The following DLG1 variants were observed in gnomAD, a reference collection of about 807,000 sequenced individuals.
The protein encoded by DLG1 is discs large MAGUK scaffold protein 1.
In DLG1, 42 loss-of-function variants were observed where a neutral mutation model predicts 123.4. That is an observed-to-expected ratio of 0.34 (90% CI 0.27 to 0.44). The LOEUF is 0.44. DLG1 is among the 20% of genes least tolerant of loss of function. The pLI, the probability that DLG1 is intolerant of heterozygous loss-of-function variation, is 1.00. For missense variants in DLG1, 942 were observed against 1,082.6 expected, an observed-to-expected ratio of 0.87 and a Z score of 1.82; for synonymous variants, 317 against 356.2, an observed-to-expected ratio of 0.89 and a Z score of 1.24.
chr3:197,100,463 T>C (rs1192944839), intron 14 of DLG1, among the ~76,000 whole-genome samples: 1 of 152,206 alleles, frequency 6.6e-6, no homozygotes, highest in East Asian at 1.9e-4. Context: ...ACCTAACCAA[T>C]GGGAAAGAGA....
chr3:197,253,929 A>G (rs1321520621), intron 4 of DLG1, among the ~76,000 whole-genome samples: 1 of 152,178 alleles, frequency 6.6e-6, no homozygotes, highest in Non-Finnish European at 1.5e-5. Flanking sequence ...TTAATTAAAA[A>G]AAAAAAGGAA....
intron 5 of DLG1, chr3:197,183,779 A>C: frequency 1.9e-6 from 3 of 1,550,340 alleles, no homozygotes; most frequent in Non-Finnish European, 2.6e-6. Flanking sequence ...GAGAGTATAG[A>C]AGTGTGTTGT....
chr3:197,147,364 C>T (rs987126884), intron 6 of DLG1, among the ~76,000 whole-genome samples: 5 of 151,714 alleles, frequency 3.3e-5, no homozygotes, highest in African/African-American at 1.2e-4. Flanking sequence ...GCGCAATTCA[C>T]AATTGCAAAA....
intron 14 of DLG1, among the ~76,000 whole-genome samples, chr3:197,094,412 C>G (rs1759471258): frequency 6.6e-6 from 1 of 152,146 alleles, no homozygotes; most frequent in Non-Finnish European, 1.5e-5. Context: ...TAATGGCAAA[C>G]TTTTGTTTGG....
intron 14 of DLG1, among the ~76,000 whole-genome samples, chr3:197,103,922 T>C (rs187211014): frequency 6.6e-6 from 1 of 152,126 alleles, no homozygotes; most frequent in Admixed American, 6.5e-5. Flanking sequence ...CCACTGAGGT[T>C]TTATTGGAGA....
chr3:197,220,939 G>A (rs1024956236), intron 4 of DLG1, among the ~76,000 whole-genome samples: 3 of 152,114 alleles, frequency 2.0e-5, no homozygotes, highest in African/African-American at 4.8e-5. Flanking sequence ...CTTAATTACT[G>A]TTAAAAATTA....
At chr3:197,111,631 C>T (rs28497109) in intron 13 of DLG1, among the ~76,000 whole-genome samples, 22,029 of 152,132 alleles carry the variant, frequency 0.14, 2,271 homozygotes, top group African/African-American at 0.29. Context: ...ATCATGAAAC[C>T]ACTACCCCAG....
At chr3:197,232,664 T>C (rs945596771) in intron 4 of DLG1, among the ~76,000 whole-genome samples, 1 of 151,818 alleles carries the variant, frequency 6.6e-6, no homozygotes, top group Non-Finnish European at 1.5e-5. Flanking sequence ...GTTCAACAAA[T>C]GGTATTAAAT....
intron 5 of DLG1, among the ~76,000 whole-genome samples, chr3:197,189,230 T>C (rs369149709): frequency 2.0e-5 from 3 of 152,156 alleles, no homozygotes; most frequent in African/African-American, 7.2e-5. Context: ...CAAAACCTAA[T>C]AAAAATAGAG....
At chr3:197,254,161 G>A (rs1424502898) in intron 4 of DLG1, among the ~76,000 whole-genome samples, 1 of 152,198 alleles carries the variant, frequency 6.6e-6, no homozygotes, top group Non-Finnish European at 1.5e-5. Flanking sequence ...TCCTAAAATG[G>A]AGAGTTATTT....
intron 18 of DLG1, among the ~76,000 whole-genome samples, chr3:197,075,381 G>GTA (rs139738228): frequency 0.41 from 59,842 of 146,902 alleles, 12,721 homozygotes; most frequent in East Asian, 0.74. Flanking sequence ...TGCTACTTGC[G>GTA]TAGTATTCTA....
Position 197,044,559 on chromosome 3 carries a change from A to G in DLG1, c.*64T>C, listed in dbSNP as rs534073517. 4.4e-5 allele frequency: 49 copies of G among 1,122,046 alleles called. No individual in the cohort carries two copies. In the African/African-American group the frequency reaches 7.6e-4, roughly 17 times the overall value. The allele number at this position is 1,122,046 out of a possible 1,614,324, so 69.5% of individuals were successfully genotyped here. A position where few individuals can be genotyped will look rare whatever the true frequency, so the allele number is the denominator to read the frequency against. On this transcript the variant is annotated 3_prime_UTR_variant, in exon 25 of 25. Transcript: ENST00000667157. ...CAGTACTCAAGAAAGACTCCAGAGGAAAGGGCAAAGAGATGCCAAAGAAAA... is the reference window on the plus strand; with the variant it reads ...CAGTACTCAAGAAAGACTCCAGAGGGAAGGGCAAAGAGATGCCAAAGAAAA...
chr3:197,215,343 G>GA lies in DLG1; in HGVS notation c.319-20755dup, dbSNP rs942544266. Among the ~76,000 whole-genome samples, 6 of 152,054 alleles carry GA rather than the reference G, an allele frequency of 3.9e-5. No individual in the cohort carries two copies. In the South Asian group the frequency reaches 6.2e-4, roughly 16 times the overall value. On this transcript the variant is annotated intron_variant, in intron 4 of 24. Coordinates refer to ENST00000667157, the MANE Select transcript of DLG1 (RefSeq NM_001366207.1). ...GACTGGGATAATTGAGTATCCATTAGAAAAAATGAAATGTGACTCCTGTAT... is the reference window on the plus strand; with the variant it reads ...GACTGGGATAATTGAGTATCCATTAGAAAAAAATGAAATGTGACTCCTGTAT...
intron 4 of DLG1, among the ~76,000 whole-genome samples, chr3:197,269,919 A>T (rs1213830647): frequency 6.6e-6 from 1 of 152,214 alleles, no homozygotes; most frequent in Non-Finnish European, 1.5e-5. Flanking sequence ...AATATTGTAA[A>T]CTATTAATAC....
In DLG1 at chr3:197,242,652, G is replaced by A. The variant is rs557865628; in HGVS notation, c.318+40027C>T. The stretch of plus-strand genomic sequence containing the variant: ...AAAGAACCTCAAGAACTTCAAAAAC[G>A]TATGGAAATTAGACAACATGCTCCT... On this transcript the variant is annotated intron_variant, in intron 4 of 24. Coordinates refer to ENST00000667157, the MANE Select transcript of DLG1 (RefSeq NM_001366207.1). Among the ~76,000 whole-genome samples, 4 of 151,970 alleles carry A rather than the reference G, an allele frequency of 2.6e-5. No homozygotes were observed. In the East Asian group the frequency reaches 7.7e-4, roughly 29 times the overall value.
chr3:197,045,097 T>C (rs1721988888), intron 24 of DLG1, among the ~76,000 whole-genome samples: 1 of 151,966 alleles, frequency 6.6e-6, no homozygotes, highest in South Asian at 2.1e-4. Context: ...GACAGGATGA[T>C]GTAAGGATAA....
intron 4 of DLG1, among the ~76,000 whole-genome samples, chr3:197,248,921 A>G (rs1232971935): frequency 6.6e-6 from 1 of 152,168 alleles, no homozygotes; most frequent in Non-Finnish European, 1.5e-5. Context: ...GTTCAAGACA[A>G]GAGTGAGGTA....
Position 197,140,253 on chromosome 3 carries a change from C to G in DLG1, c.600G>C (p.Gly200=). Residue 200 remains glycine, a synonymous_variant, in exon 8 of 25, where the codon GGG becomes GGC. Transcript: ENST00000667157. ...EEITLERGNS[G]LGFSIAGGTD... is the part of the protein sequence containing the mutation. ...TACCTCCTGCAATGCTGAAACCAAGCCCTGAATTTCCCTGAGGATAGAAGA... is the reference window on the plus strand; with the variant it reads ...TACCTCCTGCAATGCTGAAACCAAGGCCTGAATTTCCCTGAGGATAGAAGA... 2 of 1,612,658 alleles carry G rather than the reference C, an allele frequency of 1.2e-6. No individual in the cohort carries two copies. Among genetic ancestry groups the G allele is most frequent in the Non-Finnish European group, 1.7e-6 (2 of 1,179,250 alleles).
At chr3:197,297,629 G>C (rs1368195014) in intron 1 of DLG1, 6 of 1,000,156 alleles carry the variant, frequency 6.0e-6, no homozygotes, top group Non-Finnish European at 7.1e-6. Flanking sequence ...GGGGACCAGC[G>C]GGACTGGCCG....
Sources: gnomAD v4.1 joint callset for allele counts (sites outside exome capture counted in the v4.1 genomes callset) on GRCh38, gnomAD v4.1.1 for gene constraint, MANE v1.5 for transcripts, NCBI Gene and HGNC (gene_info 2026-07-23, HGNC 2026-07-21) for gene names.